Variants in ACSF3 observed in about 807,000 individuals in gnomAD.
The protein encoded by ACSF3 is malonate--CoA ligase ACSF3, mitochondrial.
In ACSF3, 78 loss-of-function variants were observed where a neutral mutation model predicts 53.2. The ratio of observed to expected loss-of-function variants is 1.47; its 90% confidence interval spans 1.22 to 1.77. The LOEUF (loss-of-function observed/expected upper bound fraction) is 1.77. ACSF3 is among the 40% of genes most tolerant of loss of function. The pLI is 0.00. For synonymous variants in ACSF3, 414 were observed against 333.1 expected (o/e 1.24, Z -2.65); for missense variants, 937 against 771.1 (o/e 1.22, Z -2.55).
chr16:89,105,364 C>T (rs996624546), intron 4 of ACSF3, among the ~76,000 whole-genome samples: 3 of 152,132 alleles, frequency 2.0e-5, no homozygotes, highest in South Asian at 4.1e-4. Flanking sequence ...CTCTGGGGTG[C>T]GCCCTGCATG....
chr16:89,104,982 A>T (rs2151423595), intron 4 of ACSF3, among the ~76,000 whole-genome samples: 1 of 149,936 alleles, frequency 6.7e-6, no homozygotes, highest in East Asian at 2.0e-4. Context: ...TTGCGTGATT[A>T]GCCGTCAGCT....
intron 5 of ACSF3, chr16:89,113,929 T>G (rs1904543687): frequency 3.0e-6 from 1 of 337,450 alleles, no homozygotes; most frequent in African/African-American, 2.1e-5. Context: ...CGGATGTGCC[T>G]GGCCGCAGCC....
At chr16:89,145,601 C>A (rs1348732088) in intron 9 of ACSF3, among the ~76,000 whole-genome samples, 200 bp downstream of exon 9, 3 of 152,214 alleles carry the variant, frequency 2.0e-5, no homozygotes, top group Non-Finnish European at 4.4e-5. Context: ...GAGCCACTGA[C>A]CCCGTGCCCA....
Position 89,101,154 on chromosome 16 carries a change from C to G in ACSF3, c.473C>G (p.Pro158Arg), listed in dbSNP as rs763823186. The G allele has an allele frequency of 1.2e-6, 2 of 1,613,608 alleles. No homozygotes were observed. The highest frequency in any genetic ancestry group is 8.5e-7 in the Non-Finnish European group (1 of 1,179,856). ...CAGGAGTACCTGGAGCTCCTGAGCC[C>G]GGTGGTCAGGAAGCTGGGGGTCCCG... ...ASQEYLELLS[P>R]VVRKLGVPLL... The change falls in exon 3 of 11, where the codon CCG becomes CGG. Residue 158 changes from proline to arginine, a missense_variant. By Grantham distance (103) the Pro-to-Arg change is moderately radical (BLOSUM62 -2). Coordinates refer to ENST00000614302, the MANE Select transcript of ACSF3 (RefSeq NM_001243279.3).
intron 10 of ACSF3, chr16:89,148,125 G>C (rs1469773113): frequency 7.3e-5 from 8 of 109,428 alleles, no homozygotes; most frequent in Non-Finnish European, 1.4e-4. Flanking sequence ...TTTTTTTTGA[G>C]ACGGGGTCTT....
At chr16:89,097,602 G>A (rs1049123936) in intron 1 of ACSF3, among the ~76,000 whole-genome samples, 2 of 152,228 alleles carry the variant, frequency 1.3e-5, no homozygotes, top group Non-Finnish European at 2.9e-5. Flanking sequence ...GAAGCGTGGT[G>A]GGGCCGCCCT....
chr16:89,117,642 AG>A (rs1461520820), intron 6 of ACSF3, among the ~76,000 whole-genome samples: 1 of 149,872 alleles, frequency 6.7e-6, no homozygotes, highest in Admixed American at 6.6e-5. Context: ...CCACACCAAG[AG>A]CGCCAAGGAG....
At chr16:89,141,381 A>G in intron 8 of ACSF3, 1 of 1,177,742 alleles carries the variant, frequency 8.5e-7, no homozygotes, top group Non-Finnish European at 1.1e-6. Flanking sequence ...ACATGTTCCA[A>G]GGGGCAAGCT....
chr16:89,138,182 C>G (rs1392745220), intron 8 of ACSF3, among the ~76,000 whole-genome samples: 2 of 152,208 alleles, frequency 1.3e-5, no homozygotes, highest in African/African-American at 4.8e-5. Flanking sequence ...CCCACAGCCT[C>G]TCAGCCTCCC....
chr16:89,113,955 G>A (rs1904551590), intron 5 of ACSF3: 2 of 351,700 alleles, frequency 5.7e-6, no homozygotes, highest in Non-Finnish European at 5.6e-6. Flanking sequence ...CGCCGTGGCT[G>A]TTCACCCGTG....
chr16:89,105,794 T>C (rs1474127494), intron 4 of ACSF3, among the ~76,000 whole-genome samples: 1 of 152,146 alleles, frequency 6.6e-6, no homozygotes, highest in East Asian at 1.9e-4. Context: ...GCAGAACATC[T>C]CCCAGGGAGC....
In ACSF3 at chr16:89,133,241, C is replaced by G; in HGVS notation, c.1345C>G (p.Leu449Val). The G allele has an allele frequency of 6.2e-7, 1 of 1,614,112 alleles. No individual in the cohort carries two copies. The highest frequency in any genetic ancestry group is 8.5e-7 in the Non-Finnish European group (1 of 1,179,992). ...AGAAGAAACTAAGAGTGCATTCACC[C>G]TGGATGGCTGGTTTAAGACAGGTAG... ...KPEETKSAFTLDGWFKTGDTV... is the reference protein window; with the variant it reads ...KPEETKSAFTVDGWFKTGDTV... Residue 449 changes from leucine (L) to valine (V), a missense_variant, in exon 8 of 11, where the codon CTG (leucine) becomes GTG (valine). Physicochemically the swap from Leu to Val is conservative, Grantham distance 32. Coordinates refer to ENST00000614302, the MANE Select transcript of ACSF3 (RefSeq NM_001243279.3).
At position 89,114,454 on chromosome 16, in the gene ACSF3, TCCGGGC is replaced by T. The variant is rs781005262; in HGVS notation, c.1096_1101del (p.Gly366_Pro367del). The T allele has an allele frequency of 3.7e-6, 6 of 1,613,084 alleles. No individual in the cohort carries two copies. In the African/African-American group the frequency reaches 5.3e-5, roughly 14 times the overall value. On this transcript the variant is annotated inframe_deletion, in exon 6 of 11. Coordinates refer to ENST00000614302, the MANE Select transcript of ACSF3 (RefSeq NM_001243279.3). The stretch of plus-strand genomic sequence containing the variant: ...CATGACCGAGATCGGCATGGCTCTG[TCCGGGC>T]CCCTGACCACTGCCGTGCGCCTGCC...
intron 5 of ACSF3, among the ~76,000 whole-genome samples, 200 bp downstream of exon 5, chr16:89,112,446 G>C (rs913004718): frequency 1.3e-5 from 2 of 151,762 alleles, no homozygotes; most frequent in African/African-American, 4.8e-5. Context: ...ATGTATATCT[G>C]TAATCTCTTC....
chr16:89,137,836 G>A (rs750120968), intron 8 of ACSF3, among the ~76,000 whole-genome samples: 36 of 152,182 alleles, frequency 2.4e-4, no homozygotes, highest in African/African-American at 8.0e-4. Flanking sequence ...GGCCCTCCAC[G>A]TGCTCATGGG....
Position 89,132,252 on chromosome 16 carries a change from C to T in ACSF3, c.1240-884C>T, listed in dbSNP as rs942751565. ...ACTCTTGTACGCATCCCTTGACCTC[C>T]GGGGTCACAGCCAGTCACTTTCACA... On this transcript the variant is annotated intron_variant, in intron 7 of 10. Transcript: ENST00000614302. Among the ~76,000 whole-genome samples, 5 of 152,228 alleles carry T rather than the reference C, an allele frequency of 3.3e-5. No individual in the cohort carries two copies. In the South Asian group the frequency reaches 6.2e-4, roughly 19 times the overall value.
chr16:89,125,060 C>G lies in ACSF3; in HGVS notation c.1239+4147C>G, dbSNP rs569084788. ...CATATTAATTTTAGAATTAGCTTGT[C>G]TAGCCGGGCCTGGTGGCTCACACCT... On this transcript the variant is annotated intron_variant, in intron 7 of 10. Transcript: ENST00000614302. Among the ~76,000 whole-genome samples the G allele has an allele frequency of 2.0e-5, 3 of 152,244 alleles. No individual in the cohort carries two copies. The South Asian group carries it at 6.2e-4, about 32-fold the overall frequency.
chr16:89,115,471 C>T (rs1904957376), intron 6 of ACSF3, among the ~76,000 whole-genome samples: 1 of 152,252 alleles, frequency 6.6e-6, no homozygotes, highest in Admixed American at 6.5e-5. Context: ...CAGTCAACTG[C>T]CTGTGCTGTG....
At chr16:89,124,344 T>C (rs1234553174) in intron 7 of ACSF3, among the ~76,000 whole-genome samples, 1 of 152,152 alleles carries the variant, frequency 6.6e-6, no homozygotes, top group Non-Finnish European at 1.5e-5. Flanking sequence ...ACACTACATG[T>C]ATGTGTGTGA....
Sources: allele counts gnomAD v4.1 joint callset (sites outside exome capture counted in the v4.1 genomes callset), GRCh38; gene constraint gnomAD v4.1.1; transcripts MANE v1.5; gene names NCBI Gene and HGNC (gene_info 2026-07-23, HGNC 2026-07-21).